AFF2: variants seen among roughly 807,000 people sequenced by gnomAD.
The protein encoded by AFF2 is AF4/FMR2 family member 2.
A neutral mutation model predicts 76.9 loss-of-function variants in AFF2; 14 were observed. The ratio of observed to expected loss-of-function variants is 0.18; its 90% CI spans 0.12 to 0.28. The LOEUF is 0.28. Ranked by LOEUF, AFF2 falls within the 10% of genes least tolerant of loss-of-function variation. AFF2 has a pLI of 1.00. For missense variants in AFF2, 868 were observed against 1,001.1 expected, an observed-to-expected ratio of 0.87 and a Z score of 1.79; for synonymous variants, 398 against 366.7, an observed-to-expected ratio of 1.09 and a Z score of -0.98.
At chrX:148,628,639 A>G (rs1348385811) in intron 1 of AFF2, among the ~76,000 whole-genome samples, 1 of 111,610 alleles carries the variant, frequency 9.0e-6, no homozygotes, top group East Asian at 2.8e-4. Context: ...CAAAGTGGTC[A>G]TACACATTGA....
chrX:148,555,316 T>C (rs929242988), intron 1 of AFF2, among the ~76,000 whole-genome samples: 23 of 112,291 alleles, frequency 2.0e-4, no homozygotes, highest in Non-Finnish European at 5.6e-5. Flanking sequence ...GTGAAGGGGC[T>C]GCGAGAGGAT....
At chrX:148,542,228 C>T (rs935984374) in intron 1 of AFF2, among the ~76,000 whole-genome samples, 24 of 109,195 alleles carry the variant, frequency 2.2e-4, no homozygotes, top group African/African-American at 7.7e-4. Flanking sequence ...AAACGTTTAG[C>T]TCAGTCAAGT....
intron 3 of AFF2, among the ~76,000 whole-genome samples, chrX:148,734,018 A>G (rs888705019): frequency 6.2e-5 from 7 of 112,518 alleles, no homozygotes; most frequent in African/African-American, 1.6e-4. Flanking sequence ...GTGAGGGACC[A>G]GAAGCCTGGG....
chrX:148,648,230 C>G (rs2054162487), intron 1 of AFF2, among the ~76,000 whole-genome samples: 1 of 110,981 alleles, frequency 9.0e-6, no homozygotes, highest in Non-Finnish European at 1.9e-5. Flanking sequence ...TTTGTGGTGG[C>G]TAGGGAAGCA....
chrX:148,685,528 C>T (rs1300380756), intron 3 of AFF2, among the ~76,000 whole-genome samples: 1 of 111,519 alleles, frequency 9.0e-6, no homozygotes, highest in Middle Eastern at 4.3e-3. Context: ...TTCTATTAAG[C>T]ATTCAGTATT....
chrX:148,722,398 TC>T (rs1557263902), intron 3 of AFF2, among the ~76,000 whole-genome samples: 1 of 110,312 alleles, frequency 9.1e-6, no homozygotes, highest in Non-Finnish European at 1.9e-5. Context: ...TTTGTCTTAT[TC>T]CCCCTCTTAA....
chrX:148,932,886 T>C (rs782143331), intron 9 of AFF2, among the ~76,000 whole-genome samples: 5 of 112,625 alleles, frequency 4.4e-5, no homozygotes, highest in Non-Finnish European at 9.4e-5. Flanking sequence ...GAACTAGAGA[T>C]ACAGCAAAAA....
In AFF2 at chrX:148,966,101, T is replaced by G. The variant is rs138138688; in HGVS notation, c.2914-689T>G. Among the ~76,000 whole-genome samples the G allele has an allele frequency of 2.5e-3, 280 of 111,751 alleles. 1 individual carries two copies. The highest frequency in any genetic ancestry group is 8.8e-3 in the African/African-American group (269 of 30,711). ...AAAGCCCTTGTAAGTATCTTACCCA[T>G]TTGATTTTGGACCTGGTAGAAATGA... On this transcript the variant is annotated intron_variant, in intron 13 of 20. Transcript: ENST00000370460.
At chrX:148,912,466 GGAGGGTGGGAA>G (rs2071481562) in intron 9 of AFF2, among the ~76,000 whole-genome samples, 2 of 111,890 alleles carry the variant, frequency 1.8e-5, no homozygotes, top group South Asian at 7.4e-4. Context: ...ATCTCAGGGT[GGAGGGTGGGAA>G]GAGGGAGAGG....
intron 1 of AFF2, among the ~76,000 whole-genome samples, chrX:148,613,143 G>A (rs1176415870): frequency 2.7e-5 from 3 of 111,434 alleles, no homozygotes; most frequent in African/African-American, 6.5e-5. Context: ...TGTGAATTCA[G>A]CCTTTCATTT....
chrX:148,625,868 C>A (rs1300487888), intron 1 of AFF2, among the ~76,000 whole-genome samples: 1 of 111,395 alleles, frequency 9.0e-6, no homozygotes, highest in Non-Finnish European at 1.9e-5. Flanking sequence ...ACAGCCAAAC[C>A]AAAAGGCCAT....
chrX:148,928,307 C>T (rs2071676011), intron 9 of AFF2, among the ~76,000 whole-genome samples: 1 of 112,383 alleles, frequency 8.9e-6, no homozygotes, highest in African/African-American at 3.2e-5. Flanking sequence ...GTGGTTATAG[C>T]TTTTTCTGTC....
chrX:148,862,231 A>G (rs2070856002), intron 7 of AFF2, among the ~76,000 whole-genome samples: 1 of 109,481 alleles, frequency 9.1e-6, no homozygotes, highest in Admixed American at 9.7e-5. Flanking sequence ...GAATGCTAGT[A>G]TTATTGAAAA....
intron 1 of AFF2, among the ~76,000 whole-genome samples, chrX:148,549,256 G>A (rs187458758): frequency 8.9e-6 from 1 of 112,466 alleles, no homozygotes; most frequent in East Asian, 2.8e-4. Context: ...ATTTAATTGG[G>A]TAGAAAGCAA....
intron 4 of AFF2, among the ~76,000 whole-genome samples, chrX:148,827,217 C>G (rs1273254379): frequency 5.4e-5 from 6 of 111,278 alleles, no homozygotes; most frequent in African/African-American, 2.0e-4. Context: ...AAAGCTATAG[C>G]CAAGTTCTTA....
chrX:148,765,447 G>A (rs921407869), intron 3 of AFF2, among the ~76,000 whole-genome samples: 16 of 111,557 alleles, frequency 1.4e-4, no homozygotes, highest in Middle Eastern at 4.7e-3. Flanking sequence ...GTTTCTGTCA[G>A]GAGAAGTGGA....
chrX:148,954,768 A>C (rs1557287016), intron 10 of AFF2, among the ~76,000 whole-genome samples: 2 of 111,247 alleles, frequency 1.8e-5, no homozygotes, highest in African/African-American at 6.6e-5. Context: ...AACTTCCTCA[A>C]CCCTTGCCTG....
At chrX:148,558,027 T>A (rs1473021892) in intron 1 of AFF2, among the ~76,000 whole-genome samples, 1 of 111,981 alleles carries the variant, frequency 8.9e-6, no homozygotes, top group Admixed American at 9.5e-5. Flanking sequence ...CACCTGATGC[T>A]TCAATACATT....
chrX:148,907,755 T>G (rs782131107), intron 9 of AFF2, among the ~76,000 whole-genome samples: 5 of 111,491 alleles, frequency 4.5e-5, no homozygotes, highest in African/African-American at 1.6e-4. Flanking sequence ...CGGGCACGCA[T>G]TGTCATTGAT....
Sources: allele counts gnomAD v4.1 joint callset (sites outside exome capture counted in the v4.1 genomes callset), GRCh38; gene constraint gnomAD v4.1.1; transcripts MANE v1.5; gene names NCBI Gene and HGNC (gene_info 2026-07-23, HGNC 2026-07-21).